The following LRRC42 variants were observed in gnomAD, a reference collection of about 807,000 sequenced individuals.
LRRC42 encodes the protein leucine-rich repeat-containing protein 42.
Under a neutral mutation model 44.3 loss-of-function variants are expected in LRRC42, and 43 were observed. That is an observed-to-expected ratio of 0.97 (90% CI 0.76 to 1.25). The LOEUF is 1.25. Ranked by LOEUF, LRRC42 falls within the 50% of genes most tolerant of loss-of-function variation. The pLI, the probability that LRRC42 is intolerant of heterozygous loss-of-function variation, is 0.00. For synonymous variants in LRRC42, 207 were observed against 195.2 expected (o/e 1.06, Z -0.50); for missense variants, 540 against 509.1 (o/e 1.06, Z -0.58).
chr1:53,949,035 T>A (rs1055742665), intron 2 of LRRC42, among the ~76,000 whole-genome samples: 1 of 152,214 alleles, frequency 6.6e-6, no homozygotes, highest in Non-Finnish European at 1.5e-5. Flanking sequence ...AAAATTGTAT[T>A]TATTTTTTCC....
intron 2 of LRRC42, among the ~76,000 whole-genome samples, chr1:53,948,708 T>A (rs1429288821): frequency 6.6e-6 from 1 of 152,192 alleles, no homozygotes; most frequent in African/African-American, 2.4e-5. Context: ...TTCACCATGG[T>A]TTAGAACAGG....
Position 53,968,016 on chromosome 1 carries a change from T to C in LRRC42, c.*77T>C. ...AAAGGAGACTGAGGATGATTTACTT[T>C]TTGTTTGAATTTACCTATGGCATTA... is the stretch of plus-strand genomic sequence containing the variant. On this transcript the variant is annotated 3_prime_UTR_variant, in exon 9 of 9. Coordinates refer to ENST00000371370, the MANE Select transcript of LRRC42 (RefSeq NM_001256409.2). 1.4e-6 allele frequency: 2 copies of C among 1,468,818 alleles called. No individual in the cohort carries two copies. The highest frequency in any genetic ancestry group is 1.8e-6 in the Non-Finnish European group (2 of 1,083,336). The allele number at this position is 1,468,818 out of a possible 1,614,324, so 91.0% of individuals were successfully genotyped here. A position where few individuals can be genotyped will look rare whatever the true frequency, so the allele number is the denominator to read the frequency against.
At chr1:53,961,531 A>G (rs577344550) in intron 5 of LRRC42, among the ~76,000 whole-genome samples, 20 of 152,352 alleles carry the variant, frequency 1.3e-4, no homozygotes, top group Middle Eastern at 6.8e-3. Flanking sequence ...TGAGGACTCA[A>G]TGCTAAGTGT....
In LRRC42 at chr1:53,946,416, C is replaced by G. The variant is rs1480364055; in HGVS notation, c.-182C>G. ...CCTGGTTGCCCCCAGCCCCCTCCCT[C>G]CTCCCACCTTCACTGTGTCCCACCC... On this transcript the variant is annotated 5_prime_UTR_variant, in exon 1 of 9. Transcript: ENST00000371370. 2 of 152,232 alleles carry G rather than the reference C, an allele frequency of 1.3e-5. No individual in the cohort carries two copies. The highest frequency in any genetic ancestry group is 2.9e-5 in the Non-Finnish European group (2 of 68,090). The allele number at this position is 152,232 out of a possible 1,614,324, so 9.4% of individuals were successfully genotyped here. A position where few individuals can be genotyped will look rare whatever the true frequency, so the allele number is the denominator to read the frequency against.
intron 3 of LRRC42, among the ~76,000 whole-genome samples, chr1:53,954,046 T>G (rs1385103696): frequency 6.6e-6 from 1 of 152,200 alleles, no homozygotes; most frequent in Non-Finnish European, 1.5e-5. Context: ...AGCTTACTAT[T>G]AAGACGCACA....
At chr1:53,946,944 T>G in intron 1 of LRRC42, among the ~76,000 whole-genome samples, 1 of 145,602 alleles carries the variant, frequency 6.9e-6, no homozygotes, top group African/African-American at 2.6e-5. Flanking sequence ...GGAAGAAAAG[T>G]TGGGGGTGTG....
At chr1:53,955,001 A>T (rs1654790846) in intron 3 of LRRC42, among the ~76,000 whole-genome samples, 2 of 152,372 alleles carry the variant, frequency 1.3e-5, no homozygotes, top group African/African-American at 4.8e-5. Context: ...GAAAATCTAA[A>T]AACTAAATGT....
At chr1:53,961,328 G>A (rs546996010) in intron 5 of LRRC42, among the ~76,000 whole-genome samples, 4 of 152,056 alleles carry the variant, frequency 2.6e-5, no homozygotes, top group South Asian at 4.1e-4. Flanking sequence ...GGAGAATGGC[G>A]TGAATCCGGG....
Position 53,966,300 on chromosome 1 carries a change from T to C in LRRC42, c.932T>C (p.Val311Ala). Residue 311 changes from valine (V) to alanine (A), a missense_variant, in exon 8 of 9, where the codon GTT becomes GCT. By Grantham distance (64) the Val-to-Ala change is moderately conservative. Transcript: ENST00000371370. ...ATCTTTCCAAATATGTTTCAGATCG[T>C]TCTGCAGTGGGAGCGTGTGACTGCG... Reference protein sequence around the residue: ...CKTEGWADQIVLQWERVTAEA... With the variant: ...CKTEGWADQIALQWERVTAEA... 1 of 1,612,512 alleles carries C rather than the reference T, an allele frequency of 6.2e-7. No individual in the cohort carries two copies. Among genetic ancestry groups the C allele is most frequent in the Non-Finnish European group, 8.5e-7 (1 of 1,178,504 alleles).
chr1:53,958,136 C>T lies in LRRC42; in HGVS notation c.474-13C>T. Reference sequence around the variant, plus strand: ...GTGAGGGGAAGCTATTGATTGCTCTCCACGCTCCGTAGGTATCTCGTGATT... The same window carrying T: ...GTGAGGGGAAGCTATTGATTGCTCTTCACGCTCCGTAGGTATCTCGTGATT... On this transcript the variant is annotated splice_polypyrimidine_tract_variant and intron_variant, in intron 3 of 8. Coordinates refer to ENST00000371370, the MANE Select transcript of LRRC42 (RefSeq NM_001256409.2). 4 of 1,613,120 alleles carry T rather than the reference C, an allele frequency of 2.5e-6. No homozygotes were observed. Among genetic ancestry groups the T allele is most frequent in the Non-Finnish European group, 1.7e-6 (2 of 1,179,384 alleles).
intron 8 of LRRC42, among the ~76,000 whole-genome samples, chr1:53,967,238 TCTTA>T (rs1202435745): frequency 2.0e-5 from 3 of 152,270 alleles, no homozygotes; most frequent in Non-Finnish European, 2.9e-5. Flanking sequence ...GCTATTTGGC[TCTTA>T]GAGTCAAATC....
chr1:53,967,824 G>C lies in LRRC42; in HGVS notation c.1172G>C (p.Ser391Thr). The part of the protein sequence containing the change: ...EAISSQESKK[S>T]KKRPFEESET... ...ATCTCAAGCCAGGAGTCAAAGAAGA[G>C]CAAGAAGAGACCTTTTGAGGAGTCA... The change falls in exon 9 of 9, where the codon AGC (serine) becomes ACC (threonine). Residue 391 changes from serine to threonine, a missense_variant. Ser to Thr is a moderately conservative substitution (Grantham distance 58). Transcript: ENST00000371370. The C allele has an allele frequency of 1.2e-6, 2 of 1,614,208 alleles. No individual in the cohort carries two copies. Among genetic ancestry groups the C allele is most frequent in the East Asian group, 2.2e-5 (1 of 44,882 alleles).
intron 1 of LRRC42, among the ~76,000 whole-genome samples, chr1:53,947,113 TGGA>T (rs950176211): frequency 3.8e-5 from 3 of 79,944 alleles, no homozygotes; most frequent in Non-Finnish European, 7.6e-5. Flanking sequence ...GAGTGGGGGG[TGGA>T]GGAGTGTGGG....
In LRRC42 at chr1:53,954,341, G is replaced by C. The variant is rs530839569; in HGVS notation, c.473+1869G>C. Among the ~76,000 whole-genome samples, 16 of 152,284 alleles carry C rather than the reference G, an allele frequency of 1.1e-4. No individual in the cohort carries two copies. In the South Asian group the frequency reaches 3.3e-3, roughly 32 times the overall value. ...AGTCATGGCTGGACTTGGGACTGCT[G>C]CCAGTGGAAAGGAAAAAAATTACCT... On this transcript the variant is annotated intron_variant, in intron 3 of 8. Transcript: ENST00000371370.
intron 3 of LRRC42, among the ~76,000 whole-genome samples, chr1:53,955,756 G>A (rs1195677938): frequency 2.6e-5 from 4 of 151,206 alleles, no homozygotes; most frequent in Non-Finnish European, 4.4e-5. Context: ...AGCCTCCCGA[G>A]TAGCTGGGAC....
chr1:53,947,310 ATTGGTAAGAGTGTCACGT>A (rs1485017031), intron 1 of LRRC42, among the ~76,000 whole-genome samples: 2 of 151,904 alleles, frequency 1.3e-5, no homozygotes, highest in Admixed American at 6.6e-5. Flanking sequence ...AAGCGCTAGA[ATTGGTAAGAGTGTCACGT>A]TGTGGGAGAG....
chr1:53,958,319 T>A, intron 4 of LRRC42, 39 bp downstream of exon 4: 1 of 1,608,962 alleles, frequency 6.2e-7, no homozygotes, highest in Non-Finnish European at 8.5e-7. Flanking sequence ...ATTGTTTCAG[T>A]ATTGTTTTAA....
At chr1:53,967,188 C>T (rs753182701) in intron 8 of LRRC42, among the ~76,000 whole-genome samples, 1 of 152,018 alleles carries the variant, frequency 6.6e-6, no homozygotes, top group Non-Finnish European at 1.5e-5. Flanking sequence ...AATAAGAATC[C>T]AGGGCATACC....
chr1:53,953,580 C>G (rs1043056759), intron 3 of LRRC42, among the ~76,000 whole-genome samples: 1 of 151,710 alleles, frequency 6.6e-6, no homozygotes, highest in Admixed American at 6.6e-5. Flanking sequence ...AGGATGGTGT[C>G]GATCTCCTGA....
Sources: allele counts gnomAD v4.1 joint callset (sites outside exome capture counted in the v4.1 genomes callset), GRCh38; gene constraint gnomAD v4.1.1; transcripts MANE v1.5; gene names NCBI Gene and HGNC (gene_info 2026-07-23, HGNC 2026-07-21).